The following CLCN4 variants were observed in gnomAD, a reference collection of about 807,000 sequenced individuals.
The protein encoded by CLCN4 is Cl-/H+ antiporter 4, also known as H(+)/Cl(-) exchange transporter 4.
A neutral mutation model predicts 41.7 loss-of-function variants in CLCN4; 1 was observed. The ratio of observed to expected loss-of-function variants is 0.02; its 90% CI spans 0.01 to 0.11. The LOEUF (loss-of-function observed/expected upper bound fraction) is 0.11, where lower values mean the gene tolerates loss of function less well. Among genes scored for constraint, CLCN4 ranks in the 10% least tolerant of loss-of-function variants. The pLI is 1.00. For synonymous variants in CLCN4, 277 were observed against 285.8 expected, an observed-to-expected ratio of 0.97 and a Z score of 0.31; for missense variants, 287 against 661.0, an observed-to-expected ratio of 0.43 and a Z score of 6.20.
At chrX:10,164,823 A>T (rs1346086811) in intron 2 of CLCN4, among the ~76,000 whole-genome samples, 1 of 112,306 alleles carries the variant, frequency 8.9e-6, no homozygotes, top group Non-Finnish European at 1.9e-5. Flanking sequence ...GGCCATGCAC[A>T]TTCCCACATG....
Position 10,195,113 on chromosome X carries a change from A to C in CLCN4, c.432+15A>C. The C allele has an allele frequency of 8.3e-7, 1 of 1,207,019 alleles. No individual in the cohort carries two copies. Among genetic ancestry groups the C allele is most frequent in the Non-Finnish European group, 1.1e-6 (1 of 891,586 alleles). On this transcript the variant is annotated intron_variant, in intron 5 of 12. Transcript: ENST00000380833. ...ATCAGTCAGAGGTGGGTATTTGGGC[A>C]GGGTCCTGGCTGGGGACCCCTGCCG... is the stretch of plus-strand genomic sequence containing the variant.
chrX:10,203,385 C>T (rs778171826), intron 6 of CLCN4, among the ~76,000 whole-genome samples: 15 of 111,322 alleles, frequency 1.3e-4, no homozygotes, highest in African/African-American at 3.6e-4. Context: ...TTGTCTGCCA[C>T]GAGTTCAAGG....
chrX:10,221,083 G>A (rs1262730086), intron 12 of CLCN4, among the ~76,000 whole-genome samples: 1 of 111,235 alleles, frequency 9.0e-6, no homozygotes, highest in Admixed American at 9.5e-5. Context: ...AGAAGGGGGT[G>A]GTCCAGGCTG....
At chrX:10,164,658 A>G (rs1308646399) in intron 2 of CLCN4, among the ~76,000 whole-genome samples, 2 of 111,712 alleles carry the variant, frequency 1.8e-5, no homozygotes, top group Non-Finnish European at 3.8e-5. Flanking sequence ...CCTAGGTGCC[A>G]GAGTGGGCCC....
chrX:10,215,564 T>C (rs1038957175), intron 11 of CLCN4, among the ~76,000 whole-genome samples: 1 of 111,951 alleles, frequency 8.9e-6, no homozygotes, highest in Non-Finnish European at 1.9e-5. Flanking sequence ...TTAAGTAGGA[T>C]TGGGTTTGTT....
intron 9 of CLCN4, among the ~76,000 whole-genome samples, chrX:10,209,730 T>C (rs199845046): frequency 1.8e-5 from 2 of 111,685 alleles, no homozygotes; most frequent in East Asian, 5.7e-4. Context: ...TCCTCTTTCA[T>C]TGTGTTAAAA....
chrX:10,222,809 A>G (rs1924894024), intron 12 of CLCN4, among the ~76,000 whole-genome samples: 1 of 111,931 alleles, frequency 8.9e-6, no homozygotes, highest in Non-Finnish European at 1.9e-5. Flanking sequence ...TTGCAGATTT[A>G]CCCAGAGAAC....
intron 3 of CLCN4, among the ~76,000 whole-genome samples, chrX:10,185,415 G>C (rs1419167058): frequency 9.0e-6 from 1 of 111,432 alleles, no homozygotes; most frequent in African/African-American, 3.3e-5. Flanking sequence ...GGACTTTGCA[G>C]GTGCCATTTC....
intron 2 of CLCN4, among the ~76,000 whole-genome samples, chrX:10,173,444 T>C (rs2147161339): frequency 9.0e-6 from 1 of 110,786 alleles, no homozygotes; most frequent in African/African-American, 3.3e-5. Context: ...GCTTTCTGAA[T>C]GCTCCCACGT....
intron 2 of CLCN4, among the ~76,000 whole-genome samples, chrX:10,161,888 A>G (rs1923115123): frequency 9.0e-6 from 1 of 110,809 alleles, no homozygotes; most frequent in Non-Finnish European, 1.9e-5. Flanking sequence ...TCAGCCCTAC[A>G]AAAGGGTCCA....
chrX:10,232,428 C>T (rs914000161), intron 12 of CLCN4, among the ~76,000 whole-genome samples: 3 of 112,447 alleles, frequency 2.7e-5, no homozygotes, highest in Non-Finnish European at 3.8e-5. Flanking sequence ...TCATATTACA[C>T]AGAGTAGAAA....
rs758609298 is a variant in CLCN4 at position 10,174,746 on chromosome X, C to T, written c.-11-10276C>T. On this transcript the variant is annotated intron_variant, in intron 2 of 12. Transcript: ENST00000380833. ...TGCCCTACACTGCCATATAGCTGGA[C>T]GAATTGTAAAAGGAACACTGTGTCA... is the stretch of plus-strand genomic sequence containing the variant. Among the ~76,000 whole-genome samples, 211 of 111,482 alleles carry T rather than the reference C, an allele frequency of 1.9e-3. 1 individual carries two copies. The highest frequency in any genetic ancestry group is 3.5e-3 in the Non-Finnish European group (183 of 52,978).
Position 10,204,613 on chromosome X carries a change from C to CTTTTTTTTTTTTTTTTT in CLCN4, c.556-1725_556-1709dup, listed in dbSNP as rs61453535. ...CTATTCTCACCAGAAAGCTAGTAGT[C>CTTTTTTTTTTTTTTTTT]TTTTTTTTTTTTTTTTTTTTTTTTT... is the stretch of plus-strand genomic sequence containing the variant. On this transcript the variant is annotated intron_variant, in intron 6 of 12. Coordinates refer to ENST00000380833, the MANE Select transcript of CLCN4 (RefSeq NM_001830.4). Among the ~76,000 whole-genome samples, 21 of 27,345 alleles carry CTTTTTTTTTTTTTTTTT rather than the reference C, an allele frequency of 7.7e-4. 6 individuals carry two copies. Among genetic ancestry groups the CTTTTTTTTTTTTTTTTT allele is most frequent in the Non-Finnish European group, 1.3e-3 (14 of 10,921 alleles). The allele number at this position is 27,345 out of a possible 115,157, so 23.7% of individuals were successfully genotyped here.
intron 2 of CLCN4, among the ~76,000 whole-genome samples, chrX:10,170,894 AT>A (rs986599443): frequency 1.3e-4 from 14 of 111,535 alleles, no homozygotes; most frequent in Non-Finnish European, 2.3e-4. Context: ...GTTTTTCTGA[AT>A]TTTTTTTGAG....
At chrX:10,220,060 G>C (rs1272641006) in intron 11 of CLCN4, among the ~76,000 whole-genome samples, 1 of 111,305 alleles carries the variant, frequency 9.0e-6, no homozygotes, top group Non-Finnish European at 1.9e-5. Context: ...TTTTAAGACA[G>C]GAGATCCGAA....
At chrX:10,192,830 T>A (rs1255147343) in intron 4 of CLCN4, among the ~76,000 whole-genome samples, 1 of 111,595 alleles carries the variant, frequency 9.0e-6, no homozygotes, top group East Asian at 2.8e-4. Context: ...CGAGTGGGGA[T>A]GGGGGAAACT....
At chrX:10,220,307 G>T (rs759537500) in intron 11 of CLCN4, among the ~76,000 whole-genome samples, 2 of 112,186 alleles carry the variant, frequency 1.8e-5, no homozygotes, top group Non-Finnish European at 3.8e-5. Context: ...TCCAGCCCAT[G>T]ATGAGGTGAA....
chrX:10,187,889 G>T (rs1923856626), intron 4 of CLCN4, among the ~76,000 whole-genome samples: 1 of 112,155 alleles, frequency 8.9e-6, no homozygotes. Context: ...ACACAGAGCA[G>T]AGTTTTCTTA....
At chrX:10,216,840 A>G (rs1177535184) in intron 11 of CLCN4, among the ~76,000 whole-genome samples, 1 of 90,324 alleles carries the variant, frequency 1.1e-5, no homozygotes, top group Non-Finnish European at 2.2e-5. Context: ...GGACTAGGTC[A>G]TGGAGAATAG....
Sources: gnomAD v4.1 joint callset for allele counts (sites outside exome capture counted in the v4.1 genomes callset) on GRCh38, gnomAD v4.1.1 for gene constraint, MANE v1.5 for transcripts, NCBI Gene and HGNC (gene_info 2026-07-23, HGNC 2026-07-21) for gene names.